OPRM1: variants seen among roughly 807,000 people sequenced by gnomAD.
OPRM1 encodes the protein mu-type opioid receptor.
In OPRM1, 27 loss-of-function variants were observed where a neutral mutation model predicts 31.8. That is an observed-to-expected ratio of 0.85 (90% confidence interval 0.63 to 1.17). The LOEUF is 1.17. Ranked by LOEUF, OPRM1 falls within the 50% of genes most tolerant of loss-of-function variation. The pLI, the probability that OPRM1 is intolerant of heterozygous loss-of-function variation, is 0.00. For missense variants in OPRM1, 536 were observed against 511.1 expected (o/e 1.05, Z -0.47); for synonymous variants, 196 against 189.9 (o/e 1.03, Z -0.26).
intron 1 of OPRM1, among the ~76,000 whole-genome samples, chr6:154,016,141 G>A (rs1156706694): frequency 1.3e-5 from 2 of 152,084 alleles, no homozygotes; most frequent in African/African-American, 4.8e-5. Flanking sequence ...AATCCAAAAT[G>A]CACAGGGCAA....
chr6:154,146,206 C>G (rs958642704), intron 3 of OPRM1, among the ~76,000 whole-genome samples: 3 of 152,216 alleles, frequency 2.0e-5, no homozygotes, highest in Admixed American at 6.5e-5. Flanking sequence ...TCAAGACCAG[C>G]CTGGCTAACA....
chr6:154,226,684 A>G (rs1290117200), intron 3 of OPRM1, among the ~76,000 whole-genome samples: 1 of 152,190 alleles, frequency 6.6e-6, no homozygotes, highest in Non-Finnish European at 1.5e-5. Context: ...TCCAAATCAC[A>G]GTCACAGTCA....
chr6:154,135,540 T>TAGATATAGATA (rs59156584), downstream of OPRM1, among the ~76,000 whole-genome samples: 1 of 151,276 alleles, frequency 6.6e-6, no homozygotes, highest in Admixed American at 6.6e-5. Context: ...GATATAGATA[T>TAGATATAGATA]TTTGTCAAGC....
At chr6:154,010,621 A>G in exon 1 of OPRM1, 2 of 1,508,004 alleles carry the variant, frequency 1.3e-6, no homozygotes, top group Non-Finnish European at 1.8e-6. Context: ...ACAATATTGT[A>G]TGCCTGCACT....
intron 1 of OPRM1, among the ~76,000 whole-genome samples, chr6:154,056,347 C>T (rs1205135033): frequency 6.6e-6 from 1 of 151,958 alleles, no homozygotes; most frequent in African/African-American, 2.4e-5. Flanking sequence ...TAGTCTTGAT[C>T]TCTTGACCTC....
chr6:154,088,004 C>T (rs1304668797), intron 1 of OPRM1, among the ~76,000 whole-genome samples: 1 of 151,872 alleles, frequency 6.6e-6, no homozygotes, highest in Non-Finnish European at 1.5e-5. Flanking sequence ...TATATAAAGA[C>T]TTGCACATGA....
At chr6:154,033,458 G>A (rs1015941236) in intron 1 of OPRM1, among the ~76,000 whole-genome samples, 1 of 152,146 alleles carries the variant, frequency 6.6e-6, no homozygotes, top group South Asian at 2.1e-4. Flanking sequence ...GTTTGAAAGT[G>A]GAATTAAAGC....
At chr6:154,038,389 C>T (rs1583167591), upstream of OPRM1, among the ~76,000 whole-genome samples, 1 of 152,238 alleles carries the variant, frequency 6.6e-6, no homozygotes, top group East Asian at 1.9e-4. Context: ...TAGAAGCACT[C>T]ATGGACTTAG....
intron 1 of OPRM1, among the ~76,000 whole-genome samples, chr6:154,088,895 C>T (rs1260839975): frequency 6.6e-6 from 1 of 152,156 alleles, no homozygotes; most frequent in Admixed American, 6.5e-5. Flanking sequence ...TCCAACTCTA[C>T]ATCTTTGTTG....
At chr6:154,167,453 A>G (rs1280169603) in intron 3 of OPRM1, among the ~76,000 whole-genome samples, 2 of 152,176 alleles carry the variant, frequency 1.3e-5, no homozygotes. Flanking sequence ...TCTTTGCTGC[A>G]GCTGAAATCA....
chr6:154,162,569 T>A (rs1029463696), intron 3 of OPRM1, among the ~76,000 whole-genome samples: 1 of 152,254 alleles, frequency 6.6e-6, no homozygotes, highest in African/African-American at 2.4e-5. Flanking sequence ...TGTGCTCCTA[T>A]GATACATTCT....
At chr6:154,208,099 A>G (rs113550702) in intron 3 of OPRM1, among the ~76,000 whole-genome samples, 9 of 151,122 alleles carry the variant, frequency 6.0e-5, no homozygotes, top group African/African-American at 2.2e-4. Flanking sequence ...TCCATTTGAA[A>G]TGGAAGTTGA....
Position 154,124,738 on chromosome 6 carries a change from G to T in OPRM1, c.*6017G>T, listed in dbSNP as rs2128528957. Among the ~76,000 whole-genome samples the T allele has an allele frequency of 6.6e-6, 1 of 152,198 alleles. No homozygotes were observed. The highest frequency in any genetic ancestry group is 1.9e-4 in the East Asian group (1 of 5,186). On this transcript the variant is annotated 3_prime_UTR_variant, in exon 4 of 4. Coordinates refer to ENST00000330432, the MANE Select transcript of OPRM1 (RefSeq NM_000914.5). ...AGTGCAGAAGCTTTATTGTTTATTT[G>T]GGAAGAGCAAGGTAAGAATCAAGTA... is the stretch of plus-strand genomic sequence containing the variant.
At position 154,120,186 on chromosome 6, in the gene OPRM1, C is replaced by CAATTGTAAAATTGTAA. The variant is rs1321250521; in HGVS notation, c.*1480_*1481insAAATTGTAAAATTGTA. Among the ~76,000 whole-genome samples, 3 of 152,120 alleles carry CAATTGTAAAATTGTAA rather than the reference C, an allele frequency of 2.0e-5. No homozygotes were observed. The East Asian group carries it at 5.8e-4, about 29-fold the overall frequency. On this transcript the variant is annotated 3_prime_UTR_variant, in exon 4 of 4. Coordinates refer to ENST00000330432, the MANE Select transcript of OPRM1 (RefSeq NM_000914.5). ...TGACTTCTGAGTATTCCTGAGCCTA[C>CAATTGTAAAATTGTAA]AATTGTAAAATTGTAGACTCCATTG...
intron 3 of OPRM1, among the ~76,000 whole-genome samples, chr6:154,236,687 G>A (rs1302019182): frequency 6.6e-6 from 1 of 152,208 alleles, no homozygotes; most frequent in Non-Finnish European, 1.5e-5. Context: ...CTGTTAATGA[G>A]CACCATCTCT....
At position 154,089,917 on chromosome 6, in the gene OPRM1, G is replaced by A. The variant is rs1791642980; in HGVS notation, c.382G>A (p.Val128Met). The A allele has an allele frequency of 6.2e-7, 1 of 1,614,060 alleles. No individual in the cohort carries two copies. The highest frequency in any genetic ancestry group is 8.5e-7 in the Non-Finnish European group (1 of 1,179,986). The change falls in exon 2 of 4, where the codon GTG becomes ATG. Residue 128 changes from valine (V) to methionine (M), a missense_variant. Val to Met is a conservative substitution (Grantham distance 21, BLOSUM62 1). Coordinates refer to ENST00000330432, the MANE Select transcript of OPRM1 (RefSeq NM_000914.5). ...LATSTLPFQS[V>M]NYLMGTWPFG... ...CACCAGTACCCTGCCCTTCCAGAGT[G>A]TGAATTACCTAATGGGAACATGGCC...
intron 3 of OPRM1, among the ~76,000 whole-genome samples, chr6:154,102,925 A>AG (rs1029193255): frequency 8.0e-5 from 12 of 149,934 alleles, no homozygotes; most frequent in Non-Finnish European, 1.6e-4. Context: ...TTGCAAAAAA[A>AG]AAAAAAAAAA....
At chr6:154,035,899 A>G (rs6916305), upstream of OPRM1, among the ~76,000 whole-genome samples, 1,676 of 152,304 alleles carry the variant, frequency 0.011, 26 homozygotes, top group African/African-American at 0.037. Context: ...AGCATCAACA[A>G]AAAGACAGAT....
In OPRM1 at chr6:154,078,205, C is replaced by T. The variant is rs374308411; in HGVS notation, c.291-11621C>T. Among the ~76,000 whole-genome samples, 17 of 152,260 alleles carry T rather than the reference C, an allele frequency of 1.1e-4. No homozygotes were observed. In the East Asian group the frequency reaches 1.4e-3, roughly 12 times the overall value. ...CTCAGTTCCATGCTTTATAAACTAC[C>T]CATATGTCAACTACTCCCAAAGTCA... is the stretch of plus-strand genomic sequence containing the variant. On this transcript the variant is annotated intron_variant, in intron 1 of 3. Transcript: ENST00000330432.
Sources: allele counts gnomAD v4.1 joint callset (sites outside exome capture counted in the v4.1 genomes callset), GRCh38; gene constraint gnomAD v4.1.1; transcripts MANE v1.5; gene names NCBI Gene and HGNC (gene_info 2026-07-23, HGNC 2026-07-21).